MARCHF2: variants seen among roughly 807,000 people sequenced by gnomAD.
The protein encoded by MARCHF2 is membrane associated ring-CH-type finger 2.
Under a neutral mutation model 24.0 loss-of-function variants are expected in MARCHF2, and 22 were observed. The observed-to-expected ratio is 0.92, with a 90% CI of 0.66 to 1.31. MARCHF2 has a LOEUF of 1.31. Among genes scored for constraint, MARCHF2 ranks in the 50% most tolerant of loss-of-function variants. MARCHF2 has a pLI of 0.00. For missense variants in MARCHF2, 301 were observed against 335.3 expected (o/e 0.90, Z 0.80); for synonymous variants, 154 against 153.0 (o/e 1.01, Z -0.05).
At chr19:8,426,013 A>G (rs903358566) in intron 2 of MARCHF2, among the ~76,000 whole-genome samples, 2 of 150,240 alleles carry the variant, frequency 1.3e-5, no homozygotes, top group Non-Finnish European at 3.0e-5. Flanking sequence ...GGATCACAAT[A>G]TCAGGAGATC....
At chr19:8,422,160 G>T in intron 2 of MARCHF2, 144 bp downstream of exon 2, 1 of 870,596 alleles carries the variant, frequency 1.1e-6, no homozygotes, top group Non-Finnish European at 1.7e-6. Context: ...AACAGTTATC[G>T]CCTTGTGGAA....
Position 8,430,705 on chromosome 19 carries a change from C to T in MARCHF2, c.420C>T (p.Cys140=), listed in dbSNP as rs1361837529. 10 of 1,611,126 alleles carry T rather than the reference C, an allele frequency of 6.2e-6. No homozygotes were observed. Among genetic ancestry groups the T allele is most frequent in the South Asian group, 1.1e-5 (1 of 91,048 alleles). ...GPRTEKRTLC[C]DMVCFLFITP... ...GGACGGAGAAGCGGACACTGTGCTG[C>T]GACATGGTGTGTTTCCTGTTCATCA... is the stretch of plus-strand genomic sequence containing the variant. Residue 140 remains cysteine (C), a synonymous_variant, in exon 4 of 5, where the codon TGC becomes TGT. Transcript: ENST00000215555. This position sits in a 1 kb window ranked among gnomAD's most constrained non-coding sequence, Gnocchi z 4.4.
At chr19:8,418,041 T>C (rs1314128618) in intron 1 of MARCHF2, among the ~76,000 whole-genome samples, 1 of 146,582 alleles carries the variant, frequency 6.8e-6, no homozygotes, top group Non-Finnish European at 1.5e-5. Context: ...TGGGATTACA[T>C]GCATGAGTCA....
intron 1 of MARCHF2, among the ~76,000 whole-genome samples, chr19:8,415,746 A>C (rs1478496743): frequency 1.3e-4 from 7 of 54,860 alleles, no homozygotes; most frequent in African/African-American, 3.6e-4. Flanking sequence ...AAAAAAAACA[A>C]AAAAAAAAAC....
In MARCHF2 at chr19:8,438,411, G is replaced by C; in HGVS notation, c.606G>C (p.Gln202His). The change falls in exon 5 of 5, where the codon CAG becomes CAC. Residue 202 changes from glutamine (Q) to histidine (H), a missense_variant. Physicochemically the swap from Gln to His is conservative, Grantham distance 24 (BLOSUM62 0). Coordinates refer to ENST00000215555, the MANE Select transcript of MARCHF2 (RefSeq NM_001005415.2). ...WTLVSFRYHCQLYSEWRKTNQ... is the reference protein window; with the variant it reads ...WTLVSFRYHCHLYSEWRKTNQ... Reference sequence around the variant, plus strand: ...AGGTCTCCTTCCGCTACCACTGCCAGCTGTACTCCGAGTGGAGAAAGACCA... The same window carrying C: ...AGGTCTCCTTCCGCTACCACTGCCACCTGTACTCCGAGTGGAGAAAGACCA... 2 of 1,613,902 alleles carry C rather than the reference G, an allele frequency of 1.2e-6. No homozygotes were observed. The highest frequency in any genetic ancestry group is 1.7e-6 in the Non-Finnish European group (2 of 1,180,040).
chr19:8,418,001 T>A (rs1203247713), intron 1 of MARCHF2, among the ~76,000 whole-genome samples: 1 of 150,388 alleles, frequency 6.6e-6, no homozygotes, highest in African/African-American at 2.5e-5. Context: ...TGACCTCAGG[T>A]GATCTGCCCA....
intron 2 of MARCHF2, among the ~76,000 whole-genome samples, chr19:8,422,400 CT>C (rs375362572): frequency 7.4e-5 from 11 of 149,116 alleles, no homozygotes; most frequent in East Asian, 2.0e-4. Context: ...CTGTATCTCT[CT>C]TTTTTTTTTG....
At position 8,426,327 on chromosome 19, in the gene MARCHF2, C is replaced by T. The variant is rs951265938; in HGVS notation, c.177-282C>T. ...GGGAAATTTGGAGAGGACATGGGGG[C>T]GGGTATAACAGATGCCCATCTTGGG... is the stretch of plus-strand genomic sequence containing the variant. On this transcript the variant is annotated intron_variant, in intron 2 of 4. Transcript: ENST00000215555. Among the ~76,000 whole-genome samples the T allele has an allele frequency of 6.1e-5, 9 of 147,930 alleles. 1 individual carries two copies. In the South Asian group the frequency reaches 1.5e-3, roughly 25 times the overall value.
chr19:8,438,729 G>T lies in MARCHF2; in HGVS notation c.*183G>T, dbSNP rs1267272152. 229 of 376,000 alleles carry T rather than the reference G, an allele frequency of 6.1e-4. 1 individual carries two copies. Among genetic ancestry groups the T allele is most frequent in the South Asian group, 2.2e-3 (65 of 29,536 alleles). 23.3% of individuals were successfully genotyped at this position (376,000 alleles called of 1,614,324 possible). On this transcript the variant is annotated 3_prime_UTR_variant, in exon 5 of 5. Coordinates refer to ENST00000215555, the MANE Select transcript of MARCHF2 (RefSeq NM_001005415.2). ...GATCCTGTGTGAAGATATTTTCAGG[G>T]TTTTTTTTTTTTTTTTTTTGCATAT...
chr19:8,425,076 C>A (rs1025326081), intron 2 of MARCHF2, among the ~76,000 whole-genome samples: 1 of 151,904 alleles, frequency 6.6e-6, no homozygotes, highest in Non-Finnish European at 1.5e-5. Flanking sequence ...CAAGATAAGT[C>A]TTTAAAAAAA....
intron 2 of MARCHF2, among the ~76,000 whole-genome samples, chr19:8,422,258 C>G (rs1416505334): frequency 4.6e-5 from 7 of 152,080 alleles, no homozygotes; most frequent in Admixed American, 4.6e-4. Context: ...CAAATGTTGT[C>G]AAGTAACACA....
chr19:8,419,436 G>A (rs1967166862), intron 1 of MARCHF2, among the ~76,000 whole-genome samples: 1 of 152,114 alleles, frequency 6.6e-6, no homozygotes, highest in African/African-American at 2.4e-5. Flanking sequence ...GGAGGTTGCA[G>A]TGAGCCAAGA....
chr19:8,433,675 C>CAA (rs143853447), intron 4 of MARCHF2, among the ~76,000 whole-genome samples: 1 of 90,674 alleles, frequency 1.1e-5, no homozygotes, highest in Non-Finnish European at 2.2e-5. Context: ...GACTCCGTCT[C>CAA]AAAAAAAAAA....
chr19:8,434,977 A>G (rs1967674890), intron 4 of MARCHF2, among the ~76,000 whole-genome samples: 1 of 150,878 alleles, frequency 6.6e-6, no homozygotes, highest in Non-Finnish European at 1.5e-5. Flanking sequence ...AAATGCTGGG[A>G]TTATAGGCGT....
Position 8,437,347 on chromosome 19 carries a change from C to CTT in MARCHF2, c.583-1040_583-1039insTT, listed in dbSNP as rs1156296451. Among the ~76,000 whole-genome samples the CTT allele has an allele frequency of 3.4e-4, 39 of 114,002 alleles. 5 individuals are homozygous for CTT. Among genetic ancestry groups the CTT allele is most frequent in the Middle Eastern group, 6.3e-3 (1 of 160 alleles). The allele number at this position is 114,002 out of a possible 152,430, so 74.8% of individuals were successfully genotyped here. A position where few individuals can be genotyped will look rare whatever the true frequency, so the allele number is the denominator to read the frequency against. ...CACCACTGTTTATTTATTCATTCAC[C>CTT]TATTTTTTTTTTTTTTTTTTTTGAG... On this transcript the variant is annotated intron_variant, in intron 4 of 4. Transcript: ENST00000215555.
At chr19:8,434,730 G>A (rs905255354) in intron 4 of MARCHF2, among the ~76,000 whole-genome samples, 4 of 141,950 alleles carry the variant, frequency 2.8e-5, no homozygotes, top group South Asian at 2.2e-4. Context: ...TTATTTAGCC[G>A]GAGTCTCACT....
rs370620525 is a variant in MARCHF2, at chr19:8,426,846, G to C, written c.372+42G>C. ...GAGACTGCGGTGGGCAGTGGGGAGAGGGCAGACATGGGGGCCAAAGGCAGG... is the reference window on the plus strand; with the variant it reads ...GAGACTGCGGTGGGCAGTGGGGAGACGGCAGACATGGGGGCCAAAGGCAGG... On this transcript the variant is annotated intron_variant, in intron 3 of 4. Transcript: ENST00000215555. 38 of 1,574,642 alleles carry C rather than the reference G, an allele frequency of 2.4e-5. No individual in the cohort carries two copies. The African/African-American group carries it at 4.5e-4, about 18-fold the overall frequency.
intron 3 of MARCHF2, among the ~76,000 whole-genome samples, chr19:8,428,699 G>T (rs1260039169): frequency 6.9e-6 from 1 of 145,350 alleles, no homozygotes; most frequent in Non-Finnish European, 1.5e-5. Context: ...GCTGGACGTG[G>T]TGGCTCACAA....
intron 4 of MARCHF2, among the ~76,000 whole-genome samples, chr19:8,433,118 G>A (rs192630653): frequency 2.0e-5 from 3 of 152,106 alleles, no homozygotes; most frequent in Admixed American, 1.3e-4. Flanking sequence ...ACTCCGGAGG[G>A]TGAGGTGGAG....
Sources: allele counts gnomAD v4.1 joint callset (sites outside exome capture counted in the v4.1 genomes callset), GRCh38; gene constraint gnomAD v4.1.1; non-coding constraint Gnocchi (gnomAD v3.1); transcripts MANE v1.5; gene names NCBI Gene and HGNC (gene_info 2026-07-23, HGNC 2026-07-21).